SEMA6D: variants seen among roughly 807,000 people sequenced by gnomAD.
SEMA6D encodes semaphorin 6D.
A neutral mutation model predicts 106.6 loss-of-function variants in SEMA6D; 35 were observed. That is an observed-to-expected ratio of 0.33 (90% confidence interval 0.25 to 0.44). The LOEUF is 0.44. Ranked by LOEUF, SEMA6D falls within the 20% of genes least tolerant of loss-of-function variation. The probability of loss-of-function intolerance (pLI) is 1.00; values close to 1 mark genes in which losing one functional copy is unlikely to be tolerated. For missense variants in SEMA6D, 1,185 were observed against 1,345.9 expected, an observed-to-expected ratio of 0.88 and a Z score of 1.87; for synonymous variants, 499 against 487.7, an observed-to-expected ratio of 1.02 and a Z score of -0.31.
chr15:47,344,287 C>T (rs971055806), intron 1 of SEMA6D, among the ~76,000 whole-genome samples: 8 of 152,084 alleles, frequency 5.3e-5, no homozygotes, highest in East Asian at 1.9e-4. Flanking sequence ...AAATAAATAT[C>T]TGAGGACTTC....
intron 2 of SEMA6D, among the ~76,000 whole-genome samples, chr15:47,417,174 A>T (rs1284357861): frequency 6.6e-6 from 1 of 152,128 alleles, no homozygotes; most frequent in Non-Finnish European, 1.5e-5. Flanking sequence ...ATCTAAAGAT[A>T]CATTATACGA....
At chr15:47,751,325 C>G (rs1168587172) in intron 1 of SEMA6D, among the ~76,000 whole-genome samples, 1 of 152,164 alleles carries the variant, frequency 6.6e-6, no homozygotes, top group Non-Finnish European at 1.5e-5. Flanking sequence ...TTGATAGGCT[C>G]CAAGGTATAG....
intron 2 of SEMA6D, among the ~76,000 whole-genome samples, chr15:47,435,843 A>G (rs2041683694): frequency 6.6e-6 from 1 of 152,262 alleles, no homozygotes; most frequent in Middle Eastern, 3.4e-3. Flanking sequence ...AAGATAGCAT[A>G]GAAAGGACAA....
At chr15:47,467,473 C>G (rs2042700150) in intron 2 of SEMA6D, among the ~76,000 whole-genome samples, 1 of 152,078 alleles carries the variant, frequency 6.6e-6, no homozygotes, top group Non-Finnish European at 1.5e-5. Flanking sequence ...CCTGTGTATT[C>G]TCATTTAATG....
intron 1 of SEMA6D, among the ~76,000 whole-genome samples, chr15:47,279,822 A>C (rs2035024143): frequency 7.3e-5 from 11 of 150,560 alleles, no homozygotes; most frequent in Admixed American, 7.3e-4. Context: ...TATATGCTGG[A>C]TTACATTTAT....
At chr15:47,561,235 G>A (rs1477187398) in intron 3 of SEMA6D, among the ~76,000 whole-genome samples, 1 of 151,898 alleles carries the variant, frequency 6.6e-6, no homozygotes, top group Non-Finnish European at 1.5e-5. Context: ...AATCTTGAAA[G>A]CAGCAAAAGA....
At chr15:47,336,071 G>A (rs1021127564) in intron 1 of SEMA6D, among the ~76,000 whole-genome samples, 4 of 152,174 alleles carry the variant, frequency 2.6e-5, no homozygotes, top group Admixed American at 6.5e-5. Context: ...AGTGTCCTTC[G>A]GCTCAACCCC....
At chr15:47,608,829 C>G (rs916047276) in intron 4 of SEMA6D, among the ~76,000 whole-genome samples, 2 of 152,118 alleles carry the variant, frequency 1.3e-5, no homozygotes, top group African/African-American at 4.8e-5. Flanking sequence ...AATGTTGAAT[C>G]CTTTTACCTT....
At chr15:47,599,326 C>T (rs982231130) in intron 3 of SEMA6D, among the ~76,000 whole-genome samples, 1 of 152,024 alleles carries the variant, frequency 6.6e-6, no homozygotes, top group African/African-American at 2.4e-5. Flanking sequence ...GGTTGTTGCT[C>T]CTCTGTTTCA....
At chr15:47,741,659 A>G (rs1477344669) in intron 1 of SEMA6D, among the ~76,000 whole-genome samples, 2 of 152,174 alleles carry the variant, frequency 1.3e-5, no homozygotes, top group Non-Finnish European at 2.9e-5. Flanking sequence ...GGTTGCAGTG[A>G]GCCGAGATCG....
Position 47,521,721 on chromosome 15 carries a change from C to T in SEMA6D, c.-87+51176C>T, listed in dbSNP as rs1020792171. ...AGATTCACGGCTGGGCACGGTGGCT[C>T]ACGCCTGTAATCCCAGCACTTTGGG... On this transcript the variant is annotated intron_variant, in intron 3 of 19. Coordinates refer to the SEMA6D transcript ENST00000558014. Among the ~76,000 whole-genome samples the T allele has an allele frequency of 3.3e-5, 5 of 152,268 alleles. No individual in the cohort carries two copies. In the South Asian group the frequency reaches 8.3e-4, roughly 25 times the overall value.
At chr15:47,480,539 C>T (rs1009535000) in intron 3 of SEMA6D, among the ~76,000 whole-genome samples, 1 of 152,106 alleles carries the variant, frequency 6.6e-6, no homozygotes, top group Non-Finnish European at 1.5e-5. Flanking sequence ...CACCTTTATT[C>T]CTTGGCTTAT....
At chr15:47,769,108 T>C (rs1349651541) in intron 18 of SEMA6D, among the ~76,000 whole-genome samples, 1 of 152,194 alleles carries the variant, frequency 6.6e-6, no homozygotes, top group African/African-American at 2.4e-5. Flanking sequence ...TGATATCAGA[T>C]GTTTTGTCTA....
At chr15:47,216,347 CA>C (rs2030597203) in intron 1 of SEMA6D, among the ~76,000 whole-genome samples, 1 of 152,122 alleles carries the variant, frequency 6.6e-6, no homozygotes, top group Non-Finnish European at 1.5e-5. Flanking sequence ...CAAAAACAAA[CA>C]TACGCACAAG....
At chr15:47,664,822 A>G (rs1448484650) in intron 4 of SEMA6D, among the ~76,000 whole-genome samples, 3 of 152,218 alleles carry the variant, frequency 2.0e-5, no homozygotes, top group Non-Finnish European at 2.9e-5. Flanking sequence ...TTGAGAATTG[A>G]GTTCCCCCAA....
At chr15:47,266,224 C>T (rs2034311279) in intron 1 of SEMA6D, among the ~76,000 whole-genome samples, 1 of 152,128 alleles carries the variant, frequency 6.6e-6, no homozygotes, top group African/African-American at 2.4e-5. Flanking sequence ...TGCCAGTTGT[C>T]TTTTTGACTA....
Position 47,771,893 on chromosome 15 carries a change from C to A in SEMA6D, c.*108C>A. The A allele has an allele frequency of 1.7e-6, 2 of 1,191,064 alleles. No homozygotes were observed. Among genetic ancestry groups the A allele is most frequent in the Non-Finnish European group, 2.4e-6 (2 of 843,294 alleles). The allele number at this position is 1,191,064 out of a possible 1,614,324, so 73.8% of individuals were successfully genotyped here. A position where few individuals can be genotyped will look rare whatever the true frequency, so the allele number is the denominator to read the frequency against. On this transcript the variant is annotated 3_prime_UTR_variant, in exon 19 of 19. Transcript: ENST00000536845. Reference sequence around the variant, plus strand: ...AGACTCGCTTGTATTTTAAGAGAACCAAGTGGCCAAAGAAACTCTTTCTAA... The same window carrying A: ...AGACTCGCTTGTATTTTAAGAGAACAAAGTGGCCAAAGAAACTCTTTCTAA...
intron 1 of SEMA6D, among the ~76,000 whole-genome samples, chr15:47,391,263 G>A (rs559815766): frequency 6.7e-4 from 102 of 152,296 alleles, no homozygotes; most frequent in African/African-American, 2.4e-3. Context: ...TACTGGCAGA[G>A]CTATGGCCAA....
At chr15:47,209,946 A>C (rs1895366880) in intron 1 of SEMA6D, among the ~76,000 whole-genome samples, 1 of 152,346 alleles carries the variant, frequency 6.6e-6, no homozygotes, top group African/African-American at 2.4e-5. Context: ...TGTGAATGTT[A>C]GGTTTTTGTC....
Sources: gnomAD v4.1 joint callset for allele counts (sites outside exome capture counted in the v4.1 genomes callset) on GRCh38, gnomAD v4.1.1 for gene constraint, MANE v1.5 for transcripts, NCBI Gene and HGNC (gene_info 2026-07-23, HGNC 2026-07-21) for gene names.